Variants in WNT7B observed in about 807,000 individuals in gnomAD.
The protein encoded by WNT7B is protein Wnt-7b.
WNT7B carries 19 observed loss-of-function variants against 38.2 expected under a neutral mutation model. That is an observed-to-expected ratio of 0.50 (90% CI 0.35 to 0.73). The LOEUF (loss-of-function observed/expected upper bound fraction) is 0.73, where lower values mean the gene tolerates loss of function less well. WNT7B is among the 30% of genes least tolerant of loss of function. WNT7B has a pLI of 0.01. For missense variants in WNT7B, 423 were observed against 507.9 expected (o/e 0.83, Z 1.61); for synonymous variants, 243 against 209.3 (o/e 1.16, Z -1.39).
rs1022502698 is a variant in WNT7B at position 45,920,969 on chromosome 22, C to T, written c.*1887G>A. ...TGAGGGTGGGGCATTCACGGTGGCC[C>T]GGAGACTCAGAGCGTCCAGGCATGG... On this transcript the variant is annotated 3_prime_UTR_variant, in exon 4 of 4. Coordinates refer to ENST00000339464, the MANE Select transcript of WNT7B (RefSeq NM_058238.3). The T allele has an allele frequency of 7.2e-5, 11 of 152,098 alleles. No homozygotes were observed. Among genetic ancestry groups the T allele is most frequent in the African/African-American group, 2.4e-4 (10 of 41,342 alleles). The allele number at this position is 152,098 out of a possible 1,614,324, so 9.4% of individuals were successfully genotyped here.
intron 1 of WNT7B, among the ~76,000 whole-genome samples, chr22:45,950,773 G>A (rs544566103): frequency 3.9e-5 from 6 of 152,318 alleles, no homozygotes; most frequent in Admixed American, 2.6e-4. Flanking sequence ...CCAACCAAAG[G>A]CTCAGACGAC....
intron 2 of WNT7B, among the ~76,000 whole-genome samples, chr22:45,939,987 T>A (rs1449619687): frequency 6.6e-6 from 1 of 152,214 alleles, no homozygotes; most frequent in East Asian, 1.9e-4. Context: ...GGACTGGGAC[T>A]GATTAAGCCA....
chr22:45,946,792 C>A (rs1194859917), intron 2 of WNT7B, among the ~76,000 whole-genome samples: 1 of 152,240 alleles, frequency 6.6e-6, no homozygotes, highest in African/African-American at 2.4e-5. Context: ...GGCATACAAG[C>A]ACCCACACCA....
chr22:45,963,414 G>A (rs1601739381), intron 1 of WNT7B, among the ~76,000 whole-genome samples: 2 of 152,154 alleles, frequency 1.3e-5, no homozygotes, highest in Non-Finnish European at 2.9e-5. Context: ...TCATCAGCCT[G>A]GCTGAGTGAG....
chr22:45,931,586 C>T (rs996668947), intron 2 of WNT7B, among the ~76,000 whole-genome samples: 19 of 151,938 alleles, frequency 1.3e-4, no homozygotes, highest in Non-Finnish European at 2.6e-4. Context: ...TACAGCAGGC[C>T]CCAGGTCACC....
chr22:45,921,033 G>A lies in WNT7B; in HGVS notation c.*1823C>T, dbSNP rs1930914284. The A allele has an allele frequency of 6.6e-6, 1 of 152,256 alleles. No homozygotes were observed. The highest frequency in any genetic ancestry group is 2.4e-5 in the African/African-American group (1 of 41,410). 9.4% of individuals were successfully genotyped at this position (152,256 alleles called of 1,614,324 possible). On this transcript the variant is annotated 3_prime_UTR_variant, in exon 4 of 4. Transcript: ENST00000339464. ...GGCTGGACCACAGGGCCAGAGCCCA[G>A]GAGGGACCCACTTGCCCCAGGCTGA...
At chr22:45,945,237 C>T (rs1255656125) in intron 2 of WNT7B, among the ~76,000 whole-genome samples, 1 of 152,124 alleles carries the variant, frequency 6.6e-6, no homozygotes, top group South Asian at 2.1e-4. Context: ...GCATGTGCCA[C>T]CACACTCAGC....
At chr22:45,925,876 TGCAGG>T in intron 3 of WNT7B, 2 of 985,328 alleles carry the variant, frequency 2.0e-6, no homozygotes, top group Non-Finnish European at 2.4e-6. Flanking sequence ...CTAGAGGGTG[TGCAGG>T]CCACGTGGTC....
chr22:45,945,530 G>A (rs572952983), intron 2 of WNT7B, among the ~76,000 whole-genome samples: 28 of 152,316 alleles, frequency 1.8e-4, no homozygotes, highest in African/African-American at 1.7e-4. Context: ...TTACACTTAC[G>A]GCACATGTCG....
intron 1 of WNT7B, among the ~76,000 whole-genome samples, chr22:45,971,665 C>T (rs1038469687): frequency 6.6e-6 from 1 of 152,226 alleles, no homozygotes; most frequent in South Asian, 2.1e-4. Context: ...GGGTACAGTC[C>T]GGGCGCTGTC....
At position 45,922,388 on chromosome 22, in the gene WNT7B, C is replaced by G. The variant is rs1930953128; in HGVS notation, c.*468G>C. 5.9e-6 allele frequency: 1 copy of G among 170,184 alleles called. No homozygotes were observed. The highest frequency in any genetic ancestry group is 1.3e-5 in the Non-Finnish European group (1 of 79,334). The allele number at this position is 170,184 out of a possible 1,614,324, so 10.5% of individuals were successfully genotyped here. A position where few individuals can be genotyped will look rare whatever the true frequency, so the allele number is the denominator to read the frequency against. ...AAATAATTTGTGTCAACATCTGTCC[C>G]CACCGCCCCAGGGCCCAGCGGCAGA... On this transcript the variant is annotated 3_prime_UTR_variant, in exon 4 of 4. Coordinates refer to ENST00000339464, the MANE Select transcript of WNT7B (RefSeq NM_058238.3).
chr22:45,973,718 G>T (rs1932498881), intron 1 of WNT7B, among the ~76,000 whole-genome samples: 1 of 152,202 alleles, frequency 6.6e-6, no homozygotes, highest in Non-Finnish European at 1.5e-5. Flanking sequence ...AAGCCATCAG[G>T]TTTTCAAATT....
intron 1 of WNT7B, among the ~76,000 whole-genome samples, chr22:45,973,698 T>C (rs935118657): frequency 6.6e-6 from 1 of 152,212 alleles, no homozygotes; most frequent in African/African-American, 2.4e-5. Flanking sequence ...GGTGAGAAAC[T>C]GACTCCCTGA....
At chr22:45,961,690 T>A (rs1430752152) in intron 1 of WNT7B, among the ~76,000 whole-genome samples, 1 of 152,126 alleles carries the variant, frequency 6.6e-6, no homozygotes, top group Admixed American at 6.5e-5. Flanking sequence ...AGCTCAGGAA[T>A]GAGGCCATCC....
rs1234195762 is a variant in WNT7B at position 45,975,080 on chromosome 22, A to G, written c.71+1604T>C. On this transcript the variant is annotated intron_variant, in intron 1 of 3. Coordinates refer to ENST00000339464, the MANE Select transcript of WNT7B (RefSeq NM_058238.3). The surrounding 1 kb of genome is among the most constrained non-coding windows in gnomAD (Gnocchi z 6.6). ...ACAGTGGGGGGTCAGAGCCAACTGC[A>G]GCCCCAGCTCTGTCACTGAATTCTG... Among the ~76,000 whole-genome samples the G allele has an allele frequency of 6.6e-6, 1 of 152,152 alleles. No individual in the cohort carries two copies. The highest frequency in any genetic ancestry group is 2.4e-5 in the African/African-American group (1 of 41,438).
At chr22:45,942,973 G>A (rs372802763) in intron 2 of WNT7B, among the ~76,000 whole-genome samples, 22 of 148,902 alleles carry the variant, frequency 1.5e-4, no homozygotes, top group East Asian at 5.8e-4. Context: ...GTGTGTGTGC[G>A]TGTGTGCAGT....
chr22:45,964,963 T>C (rs901729422), intron 1 of WNT7B, among the ~76,000 whole-genome samples: 4 of 152,144 alleles, frequency 2.6e-5, no homozygotes, highest in African/African-American at 9.7e-5. Context: ...GCCTCCTCCA[T>C]GCCTCCCCAT....
intron 1 of WNT7B, among the ~76,000 whole-genome samples, chr22:45,950,824 G>A (rs1314840262): frequency 2.0e-5 from 3 of 152,256 alleles, no homozygotes; most frequent in Non-Finnish European, 4.4e-5. Context: ...GGCTGTTGCT[G>A]TTTTCTCTCC....
intron 1 of WNT7B, among the ~76,000 whole-genome samples, chr22:45,957,128 C>A (rs1932085159): frequency 7.2e-6 from 1 of 138,874 alleles, no homozygotes. Flanking sequence ...AAAAAAAATC[C>A]CCAGGACAAG....
Sources: gnomAD v4.1 joint callset for allele counts (sites outside exome capture counted in the v4.1 genomes callset) on GRCh38, gnomAD v4.1.1 for gene constraint, Gnocchi (gnomAD v3.1) non-coding constraint, MANE v1.5 for transcripts, NCBI Gene and HGNC (gene_info 2026-07-23, HGNC 2026-07-21) for gene names.